TCF7L2: variants seen among roughly 807,000 people sequenced by gnomAD.
TCF7L2 encodes transcription factor 7-like 2.
A neutral mutation model predicts 77.9 loss-of-function variants in TCF7L2; 23 were observed. The observed-to-expected ratio is 0.30, with a 90% CI of 0.21 to 0.42. The LOEUF (loss-of-function observed/expected upper bound fraction) is 0.42. Among genes scored for constraint, TCF7L2 ranks in the 10% least tolerant of loss-of-function variants. TCF7L2 has a pLI of 1.00. For synonymous variants in TCF7L2, 413 were observed against 340.2 expected (o/e 1.21, Z -2.36); for missense variants, 654 against 793.1 (o/e 0.82, Z 2.11).
intron 5 of TCF7L2, among the ~76,000 whole-genome samples, chr10:113,111,738 G>A (rs1345898920): frequency 6.6e-6 from 1 of 152,002 alleles, no homozygotes; most frequent in East Asian, 1.9e-4. Context: ...GCTGTAATGA[G>A]CTGTGATCAC....
At chr10:112,975,924 T>C (rs1343566986) in intron 4 of TCF7L2, among the ~76,000 whole-genome samples, 2 of 152,224 alleles carry the variant, frequency 1.3e-5, no homozygotes, top group African/African-American at 4.8e-5. Context: ...GTTGAGAACC[T>C]CTGACTCAGT....
intron 5 of TCF7L2, among the ~76,000 whole-genome samples, chr10:113,108,078 GC>G (rs1281040980): frequency 6.6e-6 from 1 of 152,052 alleles, no homozygotes; most frequent in Non-Finnish European, 1.5e-5. Context: ...AGCCCCCTTT[GC>G]CCCCATACTT....
At chr10:113,162,412 C>T (rs1481425042) in intron 13 of TCF7L2, among the ~76,000 whole-genome samples, 1 of 151,902 alleles carries the variant, frequency 6.6e-6, no homozygotes, top group African/African-American at 2.4e-5. Flanking sequence ...TAACATTGAC[C>T]CAAACATGCA....
At chr10:113,042,724 A>G (rs953208611) in intron 5 of TCF7L2, among the ~76,000 whole-genome samples, 1 of 152,164 alleles carries the variant, frequency 6.6e-6, no homozygotes, top group Non-Finnish European at 1.5e-5. Flanking sequence ...TTTGGGATTG[A>G]GGATGCATAC....
At chr10:113,081,929 C>A (rs2135464950) in intron 5 of TCF7L2, among the ~76,000 whole-genome samples, 1 of 152,252 alleles carries the variant, frequency 6.6e-6, no homozygotes, top group South Asian at 2.1e-4. Flanking sequence ...CCTCTGCCTC[C>A]CAGGTTCAAG....
chr10:112,957,888 C>T (rs372518417), intron 3 of TCF7L2, among the ~76,000 whole-genome samples: 3 of 152,218 alleles, frequency 2.0e-5, no homozygotes, highest in Non-Finnish European at 4.4e-5. Flanking sequence ...ACTGACTACG[C>T]GGTATAAGGA....
chr10:112,990,504 C>G (rs766068881), intron 4 of TCF7L2, among the ~76,000 whole-genome samples: 1 of 151,844 alleles, frequency 6.6e-6, no homozygotes, highest in Non-Finnish European at 1.5e-5. Flanking sequence ...CCCAGAAATT[C>G]GAGACCAGCC....
chr10:113,008,643 G>T (rs2045967083), intron 4 of TCF7L2, among the ~76,000 whole-genome samples: 1 of 152,172 alleles, frequency 6.6e-6, no homozygotes, highest in Non-Finnish European at 1.5e-5. Context: ...GAAATTATAG[G>T]TTTGATGTGC....
At chr10:112,966,185 TATA>T (rs2036806222) in intron 4 of TCF7L2, among the ~76,000 whole-genome samples, 1 of 7,682 alleles carries the variant, frequency 1.3e-4, no homozygotes, top group Non-Finnish European at 7.8e-4. Context: ...AAAATATATT[TATA>T]TATATATATA....
At chr10:113,126,093 A>G (rs1477761456) in intron 5 of TCF7L2, 2 of 148,848 alleles carry the variant, frequency 1.3e-5, no homozygotes, top group African/African-American at 4.9e-5. Context: ...GAACACATCC[A>G]CAAGTTTCGG....
chr10:113,132,124 C>T (rs144934765), intron 5 of TCF7L2: 2 of 152,366 alleles, frequency 1.3e-5, no homozygotes, highest in African/African-American at 4.8e-5. Flanking sequence ...TTCTGTCGGT[C>T]TTTGCTGAAT....
In TCF7L2 at chr10:113,145,946, T is replaced by G; in HGVS notation, c.789-65T>G. 2.2e-6 allele frequency: 3 copies of G among 1,369,438 alleles called. No individual in the cohort carries two copies. The South Asian group carries it at 3.6e-5, about 16-fold the overall frequency. 84.8% of individuals were successfully genotyped at this position (1,369,438 alleles called of 1,614,324 possible). On this transcript the variant is annotated intron_variant, in intron 7 of 13. Coordinates refer to ENST00000627217, the MANE Select transcript of TCF7L2 (RefSeq NM_001146274.2). Reference sequence around the variant, plus strand: ...GTGCAGAGAGAACTTTTCCCTTTTCTTCTTTTTCTTGTCCCCACCCCCACC... The same window carrying G: ...GTGCAGAGAGAACTTTTCCCTTTTCGTCTTTTTCTTGTCCCCACCCCCACC...
intron 4 of TCF7L2, among the ~76,000 whole-genome samples, chr10:113,038,539 G>C (rs943374177): frequency 3.3e-5 from 5 of 152,196 alleles, no homozygotes; most frequent in Non-Finnish European, 7.3e-5. Flanking sequence ...TCCGTCGGCT[G>C]GCTTGTGGAT....
chr10:113,100,112 C>G (rs1197128555), intron 5 of TCF7L2, among the ~76,000 whole-genome samples: 1 of 152,148 alleles, frequency 6.6e-6, no homozygotes, highest in African/African-American at 2.4e-5. Context: ...TAAGAAACTC[C>G]CATTGTCTGG....
intron 3 of TCF7L2, among the ~76,000 whole-genome samples, chr10:112,959,685 C>G (rs1357377617): frequency 6.6e-6 from 1 of 152,084 alleles, no homozygotes; most frequent in Non-Finnish European, 1.5e-5. Context: ...CCCCTTGGTA[C>G]TTTTTATAAG....
At chr10:113,102,365 A>G (rs914012036) in intron 5 of TCF7L2, among the ~76,000 whole-genome samples, 5 of 151,754 alleles carry the variant, frequency 3.3e-5, no homozygotes, top group Non-Finnish European at 5.9e-5. Flanking sequence ...ATTACAGTAT[A>G]TAAGGCAAGT....
intron 3 of TCF7L2, among the ~76,000 whole-genome samples, chr10:112,961,117 G>A (rs985656342): frequency 3.7e-4 from 55 of 149,678 alleles, no homozygotes; most frequent in Admixed American, 7.9e-4. Context: ...GGGTTCAAGC[G>A]ATTCTCCTGC....
intron 5 of TCF7L2, among the ~76,000 whole-genome samples, chr10:113,063,452 G>A (rs1261813328): frequency 6.6e-6 from 1 of 152,102 alleles, no homozygotes; most frequent in African/African-American, 2.4e-5. Flanking sequence ...GCTGGTGAAT[G>A]GATTGAGATT....
intron 5 of TCF7L2, among the ~76,000 whole-genome samples, chr10:113,120,116 A>G (rs1269873296): frequency 4.6e-5 from 7 of 152,334 alleles, no homozygotes; most frequent in Non-Finnish European, 1.0e-4. Flanking sequence ...CTCCGCCAAT[A>G]AAAGGTTACA....
Sources: gnomAD v4.1 joint callset for allele counts (sites outside exome capture counted in the v4.1 genomes callset) on GRCh38, gnomAD v4.1.1 for gene constraint, MANE v1.5 for transcripts, NCBI Gene and HGNC (gene_info 2026-07-23, HGNC 2026-07-21) for gene names.